LRRC40: variants seen among roughly 807,000 people sequenced by gnomAD.
The protein encoded by LRRC40 is leucine rich repeat containing 40, also known as leucine-rich repeat-containing protein 40.
A neutral mutation model predicts 72.8 loss-of-function variants in LRRC40; 76 were observed. The observed-to-expected ratio is 1.04, with a 90% CI of 0.87 to 1.26. LRRC40 has a LOEUF of 1.26. LRRC40 is among the 50% of genes most tolerant of loss of function. The pLI is 0.00. For synonymous variants in LRRC40, 243 were observed against 254.2 expected, an observed-to-expected ratio of 0.96 and a Z score of 0.42; for missense variants, 684 against 698.9, an observed-to-expected ratio of 0.98 and a Z score of 0.24.
chr1:70,176,074 G>A (rs1283648771), intron 6 of LRRC40, 92 bp from the exon 7 acceptor site: 2 of 692,502 alleles, frequency 2.9e-6, no homozygotes, highest in African/African-American at 1.9e-5. Context: ...AATTTCAAGT[G>A]ATTGAAAAAC....
intron 9 of LRRC40, among the ~76,000 whole-genome samples, chr1:70,168,632 G>A (rs900149251): frequency 2.0e-5 from 3 of 152,216 alleles, no homozygotes; most frequent in African/African-American, 7.2e-5. Flanking sequence ...TGGATCTACT[G>A]AAGATACAGC....
chr1:70,192,574 T>A (rs916983847), intron 1 of LRRC40, among the ~76,000 whole-genome samples: 1 of 152,064 alleles, frequency 6.6e-6, no homozygotes, highest in African/African-American at 2.4e-5. Context: ...TAAATGCCCA[T>A]CACTGACAGA....
intron 1 of LRRC40, among the ~76,000 whole-genome samples, chr1:70,197,608 T>TTA (rs1668644198): frequency 6.6e-6 from 1 of 150,812 alleles, no homozygotes; most frequent in Non-Finnish European, 1.5e-5. Context: ...TTTTTTTTTT[T>TTA]AAGCAAACTG....
chr1:70,193,503 C>T (rs1039849072), intron 1 of LRRC40, among the ~76,000 whole-genome samples: 6 of 151,874 alleles, frequency 4.0e-5, no homozygotes, highest in African/African-American at 1.2e-4. Flanking sequence ...TCCAGGCAGA[C>T]ATTTTCACTG....
intron 1 of LRRC40, among the ~76,000 whole-genome samples, chr1:70,191,490 A>G (rs1341015730): frequency 6.6e-6 from 1 of 152,206 alleles, no homozygotes; most frequent in Non-Finnish European, 1.5e-5. Flanking sequence ...TTTTATTAAC[A>G]AACTTGTCTT....
chr1:70,200,829 AAGAG>A (rs1410120206), intron 1 of LRRC40, among the ~76,000 whole-genome samples: 1 of 152,202 alleles, frequency 6.6e-6, no homozygotes, highest in African/African-American at 2.4e-5. Context: ...GAGAGCGTGC[AAGAG>A]AGAGAGCAAG....
intron 1 of LRRC40, among the ~76,000 whole-genome samples, chr1:70,190,074 T>C (rs1359198481): frequency 1.3e-5 from 2 of 152,208 alleles, no homozygotes; most frequent in Non-Finnish European, 2.9e-5. Flanking sequence ...CAGGGATAAC[T>C]TGAAGCTCCA....
intron 4 of LRRC40, among the ~76,000 whole-genome samples, chr1:70,181,675 G>T (rs983337203): frequency 6.6e-6 from 1 of 151,758 alleles, no homozygotes; most frequent in Non-Finnish European, 1.5e-5. Context: ...GAAAAAAACG[G>T]CCATTCAAAT....
At chr1:70,169,445 T>A (rs1667956327) in intron 9 of LRRC40, among the ~76,000 whole-genome samples, 2 of 151,336 alleles carry the variant, frequency 1.3e-5, no homozygotes, top group Non-Finnish European at 3.0e-5. Flanking sequence ...AAATAAATAA[T>A]TAGAGTGTTA....
At chr1:70,177,565 A>G (rs1452829098) in intron 6 of LRRC40, among the ~76,000 whole-genome samples, 1 of 152,208 alleles carries the variant, frequency 6.6e-6, no homozygotes, top group African/African-American at 2.4e-5. Flanking sequence ...TTCAAATAAC[A>G]TCATGGGACT....
intron 1 of LRRC40, among the ~76,000 whole-genome samples, chr1:70,192,659 T>C (rs1227803715): frequency 2.6e-5 from 4 of 152,158 alleles, no homozygotes; most frequent in Non-Finnish European, 2.9e-5. Flanking sequence ...ATCATGCCTT[T>C]TTCAGGAACA....
In LRRC40 at chr1:70,181,110, GCAA is replaced by G; in HGVS notation, c.634_636del (p.Leu212del). On this transcript the variant is annotated inframe_deletion, in exon 5 of 15. Transcript: ENST00000370952. ...CTTTTCATTCTATTTATTTCTGCTGGCAAACTCTTCAGTTCATTACTAGAAAGA... is the reference window on the plus strand; with the variant it reads ...CTTTTCATTCTATTTATTTCTGCTGGACTCTTCAGTTCATTACTAGAAAGA... 1 of 1,557,964 alleles carries G rather than the reference GCAA, an allele frequency of 6.4e-7. No individual in the cohort carries two copies. The highest frequency in any genetic ancestry group is 8.8e-7 in the Non-Finnish European group (1 of 1,140,054).
At chr1:70,181,046 A>G (rs1409988151) in intron 5 of LRRC40, 40 bp downstream of exon 5, 14 of 1,357,344 alleles carry the variant, frequency 1.0e-5, no homozygotes, top group Non-Finnish European at 1.4e-5. Context: ...AGTTGCACCA[A>G]CTTCAAATTT....
Position 70,145,796 on chromosome 1 carries a change from C to T in LRRC40, c.*4G>A. ...CATGACAAGGGTTATAAAGCAACTC[C>T]ATGTTAAGTAGGAATTCGGTCTCTC... On this transcript the variant is annotated 3_prime_UTR_variant, in exon 15 of 15. Coordinates refer to ENST00000370952, the MANE Select transcript of LRRC40 (RefSeq NM_017768.5). The T allele has an allele frequency of 6.6e-7, 1 of 1,512,790 alleles. No homozygotes were observed. Among genetic ancestry groups the T allele is most frequent in the Non-Finnish European group, 9.2e-7 (1 of 1,089,476 alleles). 93.7% of individuals were successfully genotyped at this position (1,512,790 alleles called of 1,614,324 possible). A position where few individuals can be genotyped will look rare whatever the true frequency, so the allele number is the denominator to read the frequency against.
Position 70,178,867 on chromosome 1 carries a change from G to GA in LRRC40, c.787dup (p.Ser263PhefsTer3). ...AAATAGTACCTTCAATAGACTACAAGAAGGAAATTCTGGTAGAAAACGTAA... is the reference window on the plus strand; with the variant it reads ...AAATAGTACCTTCAATAGACTACAAGAAAGGAAATTCTGGTAGAAAACGTAA... On this transcript the variant is annotated frameshift_variant, in exon 6 of 15. Transcript: ENST00000370952. LOFTEE classifies it high-confidence loss of function. 1 of 1,592,566 alleles carries GA rather than the reference G, an allele frequency of 6.3e-7. No homozygotes were observed. The highest frequency in any genetic ancestry group is 8.6e-7 in the Non-Finnish European group (1 of 1,165,218).
intron 13 of LRRC40, among the ~76,000 whole-genome samples, chr1:70,150,453 T>C (rs748430070): frequency 4.6e-5 from 7 of 152,290 alleles, no homozygotes; most frequent in South Asian, 4.1e-4. Flanking sequence ...CCTGAGCTAT[T>C]ACATGTAAAG....
chr1:70,173,473 T>G lies in LRRC40; in HGVS notation c.1103A>C (p.Lys368Thr). The G allele has an allele frequency of 6.2e-7, 1 of 1,604,262 alleles. No homozygotes were observed. The highest frequency in any genetic ancestry group is 8.5e-7 in the Non-Finnish European group (1 of 1,171,732). Residue 368 changes from lysine (K) to threonine (T), a missense_variant, in exon 9 of 15, where the codon AAG (lysine) becomes ACG (threonine). Transcript: ENST00000370952. ...TQEVLKYLRS[K>T]IKDDGPSQSE... ...AGAACATTTTAAAGTACCTTTGATC[T>G]TGCTTCGTAGATATTTTAGGACTTC...
intron 14 of LRRC40, among the ~76,000 whole-genome samples, chr1:70,146,113 C>T (rs1191467132): frequency 6.6e-6 from 1 of 152,090 alleles, no homozygotes; most frequent in Admixed American, 6.5e-5. Context: ...CAACCTCCAC[C>T]TCCCAGGTTC....
chr1:70,201,584 C>T (rs1432355897), intron 1 of LRRC40, among the ~76,000 whole-genome samples: 8 of 152,178 alleles, frequency 5.3e-5, no homozygotes, highest in Admixed American at 5.2e-4. Flanking sequence ...TCTTAATAGA[C>T]ACCTCACCAA....
Sources: gnomAD v4.1 joint callset for allele counts (sites outside exome capture counted in the v4.1 genomes callset) on GRCh38, gnomAD v4.1.1 for gene constraint, MANE v1.5 for transcripts, NCBI Gene and HGNC (gene_info 2026-07-23, HGNC 2026-07-21) for gene names.